Variants in MED27 observed in about 807,000 individuals in gnomAD.
MED27 encodes mediator complex subunit 27, also known as mediator of RNA polymerase II transcription subunit 27.
Under a neutral mutation model 38.2 loss-of-function variants are expected in MED27, and 30 were observed. That is an observed-to-expected ratio of 0.79 (90% CI 0.59 to 1.07). MED27 has a LOEUF of 1.07. Among genes scored for constraint, MED27 ranks in the 50% least tolerant of loss-of-function variants. The pLI is 0.00. For missense variants in MED27, 289 were observed against 397.5 expected (o/e 0.73, Z 2.32); for synonymous variants, 122 against 153.5 (o/e 0.79, Z 1.52).
intron 4 of MED27, 48 bp downstream of exon 4, chr9:131,939,333 T>C (rs1164367922): frequency 1.5e-6 from 2 of 1,290,612 alleles, no homozygotes; most frequent in Admixed American, 2.0e-5. Context: ...AATTGTGAAG[T>C]CCATTTTTTC....
At chr9:131,915,379 G>C (rs371419070) in intron 4 of MED27, among the ~76,000 whole-genome samples, 1 of 152,126 alleles carries the variant, frequency 6.6e-6, no homozygotes, top group African/African-American at 2.4e-5. Context: ...AGATGGATGC[G>C]CAGTGAAATA....
intron 4 of MED27, among the ~76,000 whole-genome samples, chr9:131,937,959 A>G (rs2130965077): frequency 6.6e-6 from 1 of 152,222 alleles, no homozygotes; most frequent in East Asian, 1.9e-4. Flanking sequence ...ATTTTATATG[A>G]AGAAAACTGT....
At position 131,950,435 on chromosome 9, in the gene MED27, G is replaced by A. The variant is rs4568652; in HGVS notation, c.480-10961C>T. Among the ~76,000 whole-genome samples, 793 of 152,272 alleles carry A rather than the reference G, an allele frequency of 5.2e-3. 3 individuals are homozygous for A. Among genetic ancestry groups the A allele is most frequent in the African/African-American group, 0.017 (711 of 41,544 alleles). ...AGGAAGGGCTGAGGACTGTCGCTGT[G>A]GCACCTCTTGGCAATGCTCGGATGT... On this transcript the variant is annotated intron_variant, in intron 3 of 7. Coordinates refer to ENST00000292035, the MANE Select transcript of MED27 (RefSeq NM_004269.4).
intron 6 of MED27, among the ~76,000 whole-genome samples, chr9:131,878,076 A>G (rs1589177827): frequency 6.6e-6 from 1 of 152,100 alleles, no homozygotes; most frequent in Non-Finnish European, 1.5e-5. Flanking sequence ...GGAGTTCAAG[A>G]CCAGCCTGGC....
At chr9:131,973,188 A>T (rs1170880665) in intron 3 of MED27, among the ~76,000 whole-genome samples, 1 of 152,080 alleles carries the variant, frequency 6.6e-6, no homozygotes, top group Non-Finnish European at 1.5e-5. Flanking sequence ...TCTTGCTTTA[A>T]TAGTTCCCTG....
chr9:131,891,215 G>A (rs1264990906), intron 5 of MED27, among the ~76,000 whole-genome samples: 2 of 152,008 alleles, frequency 1.3e-5, no homozygotes, highest in Non-Finnish European at 2.9e-5. Context: ...GGCACAAAAC[G>A]TGCAAATACG....
At chr9:132,030,363 C>T (rs140778876) in intron 2 of MED27, among the ~76,000 whole-genome samples, 505 of 152,336 alleles carry the variant, frequency 3.3e-3, no homozygotes, top group Middle Eastern at 6.8e-3. Flanking sequence ...AGCTATTCCG[C>T]TCCAGAAAAG....
Position 131,872,605 on chromosome 9 carries a change from C to T in MED27, c.724-9465G>A, listed in dbSNP as rs368792352. 1.3e-4 allele frequency among the ~76,000 whole-genome samples: 20 copies of T among 151,192 alleles called. 1 individual carries two copies. The highest frequency in any genetic ancestry group is 3.9e-4 in the African/African-American group (16 of 40,548). On this transcript the variant is annotated intron_variant, in intron 6 of 7. Transcript: ENST00000292035. The surrounding 1 kb of genome is among the most constrained non-coding windows in gnomAD (Gnocchi z 5.6). ...CCGGGGTTTGACCCTAGCTTAGTGG[C>T]GAATGGCCTGGGGGGCCTCTTCCCT...
chr9:132,037,346 G>C (rs147724558), intron 2 of MED27, among the ~76,000 whole-genome samples: 46 of 152,284 alleles, frequency 3.0e-4, no homozygotes, highest in African/African-American at 1.1e-3. Context: ...CAGGATGAAA[G>C]CATGGACAGT....
chr9:132,006,851 T>C (rs950448240), intron 3 of MED27, among the ~76,000 whole-genome samples: 2 of 152,314 alleles, frequency 1.3e-5, no homozygotes, highest in Non-Finnish European at 2.9e-5. Context: ...AGTTGCTGCT[T>C]TGCTCTCTGT....
At chr9:131,914,034 A>G (rs1830239566) in intron 4 of MED27, among the ~76,000 whole-genome samples, 1 of 152,228 alleles carries the variant, frequency 6.6e-6, no homozygotes, top group South Asian at 2.1e-4. Flanking sequence ...GTAACAAGAA[A>G]TAATGTGATA....
chr9:132,074,164 A>G (rs1326566367), intron 2 of MED27, among the ~76,000 whole-genome samples: 1 of 152,250 alleles, frequency 6.6e-6, no homozygotes, highest in Non-Finnish European at 1.5e-5. Context: ...ATAGGTGCAT[A>G]ATAGTGAAAA....
At chr9:132,065,938 T>C (rs1024366377) in intron 2 of MED27, among the ~76,000 whole-genome samples, 1 of 152,262 alleles carries the variant, frequency 6.6e-6, no homozygotes, top group Middle Eastern at 3.2e-3. Flanking sequence ...GCTAGCAGCA[T>C]GGCCTTGGAC....
intron 2 of MED27, among the ~76,000 whole-genome samples, chr9:132,064,513 T>C (rs974623748): frequency 6.6e-6 from 1 of 152,212 alleles, no homozygotes; most frequent in African/African-American, 2.4e-5. Context: ...AGTGGTTGCC[T>C]TTCCTCCATG....
chr9:131,940,166 A>C (rs1450344064), intron 3 of MED27, among the ~76,000 whole-genome samples: 3 of 151,402 alleles, frequency 2.0e-5, no homozygotes, highest in African/African-American at 4.9e-5. Context: ...CGGCCTCCCA[A>C]AGTGCTGGGA....
At chr9:132,032,191 G>C (rs541215410) in intron 2 of MED27, 4 of 152,160 alleles carry the variant, frequency 2.6e-5, no homozygotes, top group East Asian at 1.9e-4. Flanking sequence ...GATAAAGAAC[G>C]TAATGCCAAC....
chr9:131,966,865 A>T (rs900277707), intron 3 of MED27, among the ~76,000 whole-genome samples: 1 of 152,218 alleles, frequency 6.6e-6, no homozygotes, highest in Non-Finnish European at 1.5e-5. Flanking sequence ...CTCAATGACT[A>T]AAAAAATGCA....
chr9:131,902,782 C>G (rs1323707226), intron 4 of MED27, among the ~76,000 whole-genome samples: 1 of 152,186 alleles, frequency 6.6e-6, no homozygotes, highest in African/African-American at 2.4e-5. Context: ...TTATATTTTT[C>G]CTTTGACAAG....
chr9:132,024,341 T>C (rs951725280), intron 2 of MED27, among the ~76,000 whole-genome samples: 1 of 152,186 alleles, frequency 6.6e-6, no homozygotes, highest in African/African-American at 2.4e-5. Context: ...AGAATGGTTG[T>C]TGTTGGAATT....
Sources: allele counts gnomAD v4.1 joint callset (sites outside exome capture counted in the v4.1 genomes callset), GRCh38; gene constraint gnomAD v4.1.1; non-coding constraint Gnocchi (gnomAD v3.1); transcripts MANE v1.5; gene names NCBI Gene and HGNC (gene_info 2026-07-23, HGNC 2026-07-21).